ALAD: variants seen among roughly 807,000 people sequenced by gnomAD.
ALAD encodes delta-aminolevulinic acid dehydratase.
ALAD carries 20 observed loss-of-function variants against 44.4 expected under a neutral mutation model. The observed-to-expected ratio is 0.45, with a 90% confidence interval of 0.32 to 0.65. ALAD has a LOEUF of 0.65. Among genes scored for constraint, ALAD ranks in the 30% least tolerant of loss-of-function variants. ALAD has a pLI of 0.05. For synonymous variants in ALAD, 156 were observed against 167.9 expected, an observed-to-expected ratio of 0.93 and a Z score of 0.55; for missense variants, 323 against 445.7, an observed-to-expected ratio of 0.72 and a Z score of 2.48.
intron 1 of ALAD, among the ~76,000 whole-genome samples, chr9:113,397,861 G>A (rs1470954139): frequency 6.6e-6 from 1 of 152,090 alleles, no homozygotes; most frequent in Non-Finnish European, 1.5e-5. Context: ...CTGACTTCAA[G>A]TGATCCGCCC....
At chr9:113,395,148 T>A (rs1031682748) in intron 1 of ALAD, among the ~76,000 whole-genome samples, 2 of 152,160 alleles carry the variant, frequency 1.3e-5, no homozygotes, top group Non-Finnish European at 1.5e-5. Context: ...ATAGTACCAT[T>A]CATGTTAGAT....
rs373945246 is a variant in ALAD at position 113,394,288 on chromosome 9, G to A, written c.-75-654C>T. 1.5e-3 allele frequency among the ~76,000 whole-genome samples: 225 copies of A among 149,864 alleles called. 1 individual carries two copies. The highest frequency in any genetic ancestry group is 6.9e-3 in the Middle Eastern group (2 of 290). ...CATGGTGGCTCACGCCTGTAATCCC[G>A]GCACTTTGGGAGGCTGAGGTGGCAG... On this transcript the variant is annotated intron_variant, in intron 1 of 11. Coordinates refer to ENST00000409155, the MANE Select transcript of ALAD (RefSeq NM_000031.6).
At chr9:113,392,278 A>G (rs1827612336) in intron 2 of ALAD, 109 bp from the exon 3 acceptor site, 1 of 1,595,962 alleles carries the variant, frequency 6.3e-7, no homozygotes, top group Non-Finnish European at 8.6e-7. Context: ...GGAAGTGGAG[A>G]TGGTGGGAGG....
intron 1 of ALAD, among the ~76,000 whole-genome samples, chr9:113,394,782 C>T (rs893677022): frequency 7.9e-5 from 12 of 151,752 alleles, no homozygotes; most frequent in Admixed American, 5.9e-4. Flanking sequence ...CCGGGCATGG[C>T]GGCTCACACC....
chr9:113,398,164 G>A (rs1827779521), intron 1 of ALAD: 1 of 152,220 alleles, frequency 6.6e-6, no homozygotes, highest in Non-Finnish European at 1.5e-5. Flanking sequence ...CATACTGAGT[G>A]TATTCGTTCT....
rs541796508 is a variant in ALAD, at chr9:113,389,468, G to A, written c.771C>T (p.Tyr257=). 59 of 1,613,956 alleles carry A rather than the reference G, an allele frequency of 3.7e-5. No homozygotes were observed. The African/African-American group carries it at 6.3e-4, about 17-fold the overall frequency. Residue 257 remains tyrosine (Y), a synonymous_variant, in exon 10 of 12, where the codon TAC becomes TAT. Transcript: ENST00000409155. The part of the protein sequence containing the change: ...DMLMVKPGMP[Y]LDIVREVKDK... The stretch of plus-strand genomic sequence containing the variant: ...CCTTTACCTCCCGCACGATGTCCAG[G>A]TAGGGCATTCCCGGCTTCACCATGA...
At chr9:113,393,417 C>G (rs1554740968) in intron 2 of ALAD, 30 bp downstream of exon 2, 1 of 1,560,402 alleles carries the variant, frequency 6.4e-7, no homozygotes, top group African/African-American at 1.3e-5. Flanking sequence ...ACCAGCAGAG[C>G]AGAGGCCTGG....
intron 2 of ALAD, among the ~76,000 whole-genome samples, chr9:113,392,815 C>CTTTTTTTT (rs34148636): frequency 1.8e-5 from 2 of 113,088 alleles, no homozygotes; most frequent in Admixed American, 1.1e-4. Flanking sequence ...ATTGCCATCT[C>CTTTTTTTT]TTTTTTTTTT....
Position 113,395,158 on chromosome 9 carries a change from T to C in ALAD, c.-75-1524A>G, listed in dbSNP as rs114877965. On this transcript the variant is annotated intron_variant, in intron 1 of 11. Transcript: ENST00000409155. ...AGAAAATAGTACCATTCATGTTAGATAGACAGACAGACACATACACTGTAT... is the reference window on the plus strand; with the variant it reads ...AGAAAATAGTACCATTCATGTTAGACAGACAGACAGACACATACACTGTAT... Among the ~76,000 whole-genome samples, 620 of 152,320 alleles carry C rather than the reference T, an allele frequency of 4.1e-3. 3 individuals are homozygous for C. The highest frequency in any genetic ancestry group is 0.014 in the African/African-American group (582 of 41,578).
At position 113,397,689 on chromosome 9, in the gene ALAD, A is replaced by T. The variant is rs1378713224; in HGVS notation, c.-76+3523T>A. 2.2e-4 allele frequency among the ~76,000 whole-genome samples: 29 copies of T among 129,634 alleles called. No individual in the cohort carries two copies. In the Admixed American group the frequency reaches 2.3e-3, roughly 10 times the overall value. 85.0% of individuals were successfully genotyped at this position (129,634 alleles called of 152,430 possible). ...ACCCAAGCTGGAGTGCAGTGGTTCG[A>T]TCTCGGCTCACTGCAACCTCCACCT... is the stretch of plus-strand genomic sequence containing the variant. On this transcript the variant is annotated intron_variant, in intron 1 of 11. Transcript: ENST00000409155.
intron 1 of ALAD, among the ~76,000 whole-genome samples, chr9:113,399,393 G>A (rs1827806039): frequency 6.6e-6 from 1 of 152,146 alleles, no homozygotes; most frequent in Non-Finnish European, 1.5e-5. Context: ...TCACCAGATG[G>A]GAATATGAGC....
At chr9:113,392,770 C>T (rs1827625800) in intron 2 of ALAD, among the ~76,000 whole-genome samples, 1 of 150,826 alleles carries the variant, frequency 6.6e-6, no homozygotes, top group African/African-American at 2.4e-5. Context: ...ATAGTAAGTA[C>T]TCAGTAAATG....
chr9:113,390,109 C>T (rs1159996812), intron 7 of ALAD, among the ~76,000 whole-genome samples: 1 of 152,122 alleles, frequency 6.6e-6, no homozygotes, highest in African/African-American at 2.4e-5. Context: ...CAGCTCACTG[C>T]CTCGTGGGTT....
chr9:113,389,198 TTGAGCCCCGTGTCC>T (rs1827498272), intron 10 of ALAD, 92 bp from the exon 11 acceptor site: 8 of 1,560,182 alleles, frequency 5.1e-6, no homozygotes. Context: ...TGTGACCATC[TTGAGCCCCGTGTCC>T]TGGGTTACTG....
At chr9:113,393,395 A>ACCCCAC in intron 2 of ALAD, 52 bp downstream of exon 2, 9 of 1,500,360 alleles carry the variant, frequency 6.0e-6, no homozygotes, top group Non-Finnish European at 8.4e-6. Context: ...TCCCTCCCCA[A>ACCCCAC]CCCCAACCCC....
chr9:113,395,745 G>A (rs919197580), intron 1 of ALAD, among the ~76,000 whole-genome samples: 12 of 152,190 alleles, frequency 7.9e-5, no homozygotes, highest in African/African-American at 2.9e-4. Context: ...GGAGTGAGGA[G>A]GTCAGAAGAG....
chr9:113,389,187 CT>C (rs776093736), intron 10 of ALAD, 81 bp from the exon 11 acceptor site: 225 of 1,577,456 alleles, frequency 1.4e-4, no homozygotes, highest in Non-Finnish European at 7.3e-5. Context: ...CCTGCTCAAT[CT>C]GTGACCATCT....
Position 113,390,387 on chromosome 9 carries a change from T to C in ALAD, c.570+18A>G. The C allele has an allele frequency of 2.5e-6, 4 of 1,612,600 alleles. No individual in the cohort carries two copies. The highest frequency in any genetic ancestry group is 3.4e-6 in the Non-Finnish European group (4 of 1,179,022). Reference sequence around the variant, plus strand: ...AGACTATCTCCTGCCAGCCCTGTGCTGCATTCCCTGCCCTTACCCTGTTGC... The same window carrying C: ...AGACTATCTCCTGCCAGCCCTGTGCCGCATTCCCTGCCCTTACCCTGTTGC... On this transcript the variant is annotated intron_variant, in intron 7 of 11. Transcript: ENST00000409155.
At chr9:113,388,490 T>C in intron 11 of ALAD, 129 bp from the exon 12 acceptor site, 2 of 840,340 alleles carry the variant, frequency 2.4e-6, no homozygotes, top group South Asian at 1.4e-5. Context: ...GCACACCACA[T>C]GAGACGGAGC....
Sources: allele counts gnomAD v4.1 joint callset (sites outside exome capture counted in the v4.1 genomes callset), GRCh38; gene constraint gnomAD v4.1.1; transcripts MANE v1.5; gene names NCBI Gene and HGNC (gene_info 2026-07-23, HGNC 2026-07-21).